ITSN2: variants seen among roughly 807,000 people sequenced by gnomAD.
The protein encoded by ITSN2 is intersectin-2.
Under a neutral mutation model 243.7 loss-of-function variants are expected in ITSN2, and 156 were observed. That is an observed-to-expected ratio of 0.64 (90% CI 0.56 to 0.73). The LOEUF (loss-of-function observed/expected upper bound fraction) is 0.73. Among genes scored for constraint, ITSN2 ranks in the 30% least tolerant of loss-of-function variants. The pLI, the probability that ITSN2 is intolerant of heterozygous loss-of-function variation, is 0.00. For missense variants in ITSN2, 1,801 were observed against 1,996.1 expected (o/e 0.90, Z 1.86); for synonymous variants, 703 against 699.9 (o/e 1.00, Z -0.07).
chr2:24,204,150 C>A lies in ITSN2; in HGVS notation c.4936+95G>T. 1 of 1,235,592 alleles carries A rather than the reference C, an allele frequency of 8.1e-7. No homozygotes were observed. The allele number at this position is 1,235,592 out of a possible 1,614,324, so 76.5% of individuals were successfully genotyped here. On this transcript the variant is annotated intron_variant, in intron 39 of 39. Coordinates refer to ENST00000355123, the MANE Select transcript of ITSN2 (RefSeq NM_006277.3). This position sits in a 1 kb window ranked among gnomAD's most constrained non-coding sequence, Gnocchi z 5.1. ...GGCCTGTGTCACTTCCCTGAAGTGG[C>A]ATGGGGTCTGCACACAGCTGAAGCC... is the stretch of plus-strand genomic sequence containing the variant.
Position 24,258,201 on chromosome 2 carries a change from C to T in ITSN2, c.2683-108G>A, listed in dbSNP as rs570175105. ...TTCAAACAGCAGACCAGTTTTGTGT[C>T]GTGGTGACTTAAGATAACCTTAGTC... On this transcript the variant is annotated intron_variant, in intron 22 of 39. Transcript: ENST00000355123. 1.2e-3 allele frequency: 891 copies of T among 756,564 alleles called. 13 individuals carry two copies. The South Asian group carries it at 0.015, about 13-fold the overall frequency. 46.9% of individuals were successfully genotyped at this position (756,564 alleles called of 1,614,324 possible). A position where few individuals can be genotyped will look rare whatever the true frequency, so the allele number is the denominator to read the frequency against.
At chr2:24,313,381 A>G (rs1683503841) in intron 4 of ITSN2, 79 bp downstream of exon 4, 2 of 1,225,548 alleles carry the variant, frequency 1.6e-6, no homozygotes, top group African/African-American at 1.5e-5. Context: ...ATGCAACTAA[A>G]AACAATTTTA....
intron 5 of ITSN2, 32 bp from the exon 6 acceptor site, chr2:24,310,724 C>T: frequency 1.3e-6 from 2 of 1,580,774 alleles, no homozygotes; most frequent in African/African-American, 1.3e-5. Context: ...TTTTCCAGTG[C>T]TAGAAAATCA....
At position 24,324,140 on chromosome 2, in the gene ITSN2, G is replaced by A. The variant is rs573662497; in HGVS notation, c.31+3912C>T. Among the ~76,000 whole-genome samples the A allele has an allele frequency of 9.9e-4, 150 of 152,278 alleles. 1 individual carries two copies. The highest frequency in any genetic ancestry group is 3.5e-3 in the African/African-American group (146 of 41,552). On this transcript the variant is annotated intron_variant, in intron 2 of 39. Coordinates refer to ENST00000355123, the MANE Select transcript of ITSN2 (RefSeq NM_006277.3). ...CCAGCTACTCGGGAGGCTGAGGCAG[G>A]AGAACGGCGTGAACCCAGTAGGCGG...
chr2:24,288,482 CTAAT>C lies in ITSN2; in HGVS notation c.1724-2135_1724-2132del, dbSNP rs568963324. ...GCTAATTAACATATGCATAATTTAGCTAATTAACATAATGTGTATGTTAATTAGC... is the reference window on the plus strand; with the variant it reads ...GCTAATTAACATATGCATAATTTAGCTAACATAATGTGTATGTTAATTAGC... On this transcript the variant is annotated intron_variant, in intron 15 of 39. Transcript: ENST00000355123. Among the ~76,000 whole-genome samples, 113 of 152,102 alleles carry C rather than the reference CTAAT, an allele frequency of 7.4e-4. 1 individual carries two copies. Among genetic ancestry groups the C allele is most frequent in the African/African-American group, 2.7e-3 (111 of 41,514 alleles).
chr2:24,347,383 T>TA (rs34826976), intron 1 of ITSN2, among the ~76,000 whole-genome samples: 127,287 of 151,222 alleles, frequency 0.84, 54,158 homozygotes, highest in East Asian at 0.92. Context: ...ATAATGTAAT[T>TA]AAAAAAAAAA....
At chr2:24,328,243 TCTG>T in intron 1 of ITSN2, 128 bp from the exon 2 acceptor site, 4 of 618,296 alleles carry the variant, frequency 6.5e-6, no homozygotes, top group Admixed American at 3.0e-5. Flanking sequence ...ATGCAGAGCT[TCTG>T]CTGCTGCTGA....
intron 1 of ITSN2, among the ~76,000 whole-genome samples, chr2:24,352,284 C>T (rs1688093083): frequency 6.6e-6 from 1 of 152,054 alleles, no homozygotes; most frequent in Non-Finnish European, 1.5e-5. Flanking sequence ...AGAAGGTGTC[C>T]ATAAATTATG....
intron 15 of ITSN2, among the ~76,000 whole-genome samples, chr2:24,291,044 C>T (rs1020703224): frequency 6.6e-6 from 1 of 152,114 alleles, no homozygotes; most frequent in Non-Finnish European, 1.5e-5. Flanking sequence ...TAGGAGAGAA[C>T]TGACATAGTA....
Position 24,254,396 on chromosome 2 carries a change from G to C in ITSN2, c.2924C>G (p.Pro975Arg). ...EALYAAVNKK[P>R]TSAAYSVGEE... ...TCCAACTGAATAGGCTGCCGAGGTA[G>C]GTTTCTTATTTACAGCTGCATACAA... The change falls in exon 24 of 40, where the codon CCT (proline) becomes CGT (arginine). Residue 975 changes from proline to arginine, a missense_variant. Pro to Arg is a moderately radical substitution (Grantham distance 103, BLOSUM62 -2). Coordinates refer to ENST00000355123, the MANE Select transcript of ITSN2 (RefSeq NM_006277.3). 1 of 1,612,490 alleles carries C rather than the reference G, an allele frequency of 6.2e-7. No homozygotes were observed. Among genetic ancestry groups the C allele is most frequent in the Non-Finnish European group, 8.5e-7 (1 of 1,178,904 alleles).
At chr2:24,308,830 C>A in intron 7 of ITSN2, 74 bp from the exon 8 acceptor site, 1 of 911,758 alleles carries the variant, frequency 1.1e-6, no homozygotes. Context: ...AAGACCAAGG[C>A]ATTAAGAATC....
At chr2:24,243,677 G>A (rs746441158) in intron 29 of ITSN2, among the ~76,000 whole-genome samples, 2 of 151,962 alleles carry the variant, frequency 1.3e-5, no homozygotes, top group Admixed American at 6.6e-5. Flanking sequence ...CTATATTGAC[G>A]ATCAGTCTTC....
intron 29 of ITSN2, among the ~76,000 whole-genome samples, chr2:24,222,537 G>A (rs556859160): frequency 4.7e-4 from 72 of 151,854 alleles, no homozygotes; most frequent in Admixed American, 1.7e-3. Context: ...TCACGGCCAA[G>A]GATAATTATA....
intron 1 of ITSN2, among the ~76,000 whole-genome samples, chr2:24,333,668 T>A (rs1302563513): frequency 6.6e-6 from 1 of 152,232 alleles, no homozygotes; most frequent in Non-Finnish European, 1.5e-5. Flanking sequence ...ATAGTAGGCA[T>A]AAGGCAAAGA....
Position 24,210,016 on chromosome 2 carries a change from A to G in ITSN2, c.4275T>C (p.Ser1425=). The change falls in exon 35 of 40, where the codon TCT becomes TCC. Residue 1425 remains serine (S), a synonymous_variant. Coordinates refer to ENST00000355123, the MANE Select transcript of ITSN2 (RefSeq NM_006277.3). ...TCCGGGGCCCCAGGCAGTTGGTGAG[A>G]GAGTTGAAAATAAGTTGCTTAAAGA... ...EGLAEQLIFN[S]LTNCLGPRKL... 1 of 1,613,430 alleles carries G rather than the reference A, an allele frequency of 6.2e-7. No individual in the cohort carries two copies. Among genetic ancestry groups the G allele is most frequent in the Non-Finnish European group, 8.5e-7 (1 of 1,179,454 alleles).
In ITSN2 at chr2:24,360,294, C is replaced by T. The variant is rs951488337; in HGVS notation, c.-34+10G>A. On this transcript the variant is annotated intron_variant, in intron 1 of 39. Transcript: ENST00000355123. Reference sequence around the variant, plus strand: ...CGCCTTGCTGCAGCCCCGCTAGCGGCTTCACCCACCTGGCGCCCTCGCCGC... The same window carrying T: ...CGCCTTGCTGCAGCCCCGCTAGCGGTTTCACCCACCTGGCGCCCTCGCCGC... 1.3e-5 allele frequency: 2 copies of T among 152,338 alleles called. No individual in the cohort carries two copies. The highest frequency in any genetic ancestry group is 2.9e-5 in the Non-Finnish European group (2 of 68,320). The allele number at this position is 152,338 out of a possible 1,614,324, so 9.4% of individuals were successfully genotyped here. A position where few individuals can be genotyped will look rare whatever the true frequency, so the allele number is the denominator to read the frequency against.
At chr2:24,337,232 C>T (rs1686479993) in intron 1 of ITSN2, among the ~76,000 whole-genome samples, 1 of 143,672 alleles carries the variant, frequency 7.0e-6, no homozygotes, top group Non-Finnish European at 1.5e-5. Context: ...CATTCAAAAG[C>T]ACAATCATCA....
chr2:24,259,149 A>C (rs1158724141), intron 22 of ITSN2, among the ~76,000 whole-genome samples: 1 of 152,132 alleles, frequency 6.6e-6, no homozygotes, highest in Admixed American at 6.6e-5. Context: ...TTTAGAACCT[A>C]CCAAACCCAT....
intron 2 of ITSN2, among the ~76,000 whole-genome samples, chr2:24,315,437 C>T (rs1469642105): frequency 6.6e-6 from 1 of 152,192 alleles, no homozygotes; most frequent in Non-Finnish European, 1.5e-5. Flanking sequence ...AGTGCTATAT[C>T]ACACTCACTG....
Sources: allele counts gnomAD v4.1 joint callset (sites outside exome capture counted in the v4.1 genomes callset), GRCh38; gene constraint gnomAD v4.1.1; non-coding constraint Gnocchi (gnomAD v3.1); transcripts MANE v1.5; gene names NCBI Gene and HGNC (gene_info 2026-07-23, HGNC 2026-07-21).